Variants in TPCN2 observed in about 807,000 individuals in gnomAD.
TPCN2 encodes two pore channel protein 2.
In TPCN2, 92 loss-of-function variants were observed where a neutral mutation model predicts 111.4. The ratio of observed to expected loss-of-function variants is 0.83; its 90% confidence interval spans 0.70 to 0.98. The LOEUF (loss-of-function observed/expected upper bound fraction) is 0.98. Among genes scored for constraint, TPCN2 ranks in the 50% least tolerant of loss-of-function variants. The pLI is 0.00. For synonymous variants in TPCN2, 405 were observed against 414.5 expected, an observed-to-expected ratio of 0.98 and a Z score of 0.28; for missense variants, 995 against 980.1, an observed-to-expected ratio of 1.02 and a Z score of -0.20.
chr11:69,089,540 T>C lies in TPCN2; in HGVS notation c.*1587T>C, dbSNP rs1485504616. 6.6e-6 allele frequency: 1 copy of C among 152,302 alleles called. No individual in the cohort carries two copies. The highest frequency in any genetic ancestry group is 1.5e-5 in the Non-Finnish European group (1 of 68,062). The allele number at this position is 152,302 out of a possible 1,614,324, so 9.4% of individuals were successfully genotyped here. A position where few individuals can be genotyped will look rare whatever the true frequency, so the allele number is the denominator to read the frequency against. On this transcript the variant is annotated 3_prime_UTR_variant, in exon 25 of 25. Transcript: ENST00000294309. ...CTCCCAGGTTGTGTTCATGTGACGT[T>C]TCCTTGTGGTAGGTTCTGGGTCTGC...
At chr11:69,072,486 CA>C in intron 11 of TPCN2, 140 bp from the exon 12 acceptor site, 1 of 739,614 alleles carries the variant, frequency 1.4e-6, no homozygotes, top group Non-Finnish European at 2.2e-6. Flanking sequence ...ATGCTCGTTA[CA>C]GGGGCTCTTG....
rs1203771141 is a variant in TPCN2 at position 69,083,869 on chromosome 11, C to G, written c.1690-76C>G. On this transcript the variant is annotated intron_variant, in intron 18 of 24. Transcript: ENST00000294309. ...CCCCATCTTGCCTTTCTGTCAGGGT[C>G]AGCGTGGTGGGCCGGGATGGTGTCC... 17 of 1,405,014 alleles carry G rather than the reference C, an allele frequency of 1.2e-5. No individual in the cohort carries two copies. The South Asian group carries it at 1.7e-4, about 14-fold the overall frequency. The allele number at this position is 1,405,014 out of a possible 1,614,324, so 87.0% of individuals were successfully genotyped here.
intron 13 of TPCN2, among the ~76,000 whole-genome samples, chr11:69,073,557 G>A (rs985324216): frequency 1.3e-5 from 2 of 152,234 alleles, no homozygotes; most frequent in African/African-American, 4.8e-5. Context: ...GGTGGCAGAC[G>A]CCTGCCAGTT....
In TPCN2 at chr11:69,054,822, C is replaced by T. The variant is rs755848464; in HGVS notation, c.251+25C>T. 3.1e-6 allele frequency: 5 copies of T among 1,609,748 alleles called. No homozygotes were observed. The Admixed American group carries it at 8.3e-5, about 27-fold the overall frequency. On this transcript the variant is annotated intron_variant, in intron 3 of 24. Coordinates refer to ENST00000294309, the MANE Select transcript of TPCN2 (RefSeq NM_139075.4). ...GGTGAGAACGCACCCATGTGGAACTCAGGGTTCCTGCCGGCTTGCGTGGCA... is the reference window on the plus strand; with the variant it reads ...GGTGAGAACGCACCCATGTGGAACTTAGGGTTCCTGCCGGCTTGCGTGGCA...
intron 11 of TPCN2, among the ~76,000 whole-genome samples, chr11:69,072,370 A>C (rs1308964065): frequency 2.6e-5 from 4 of 151,940 alleles, no homozygotes; most frequent in Non-Finnish European, 4.4e-5. Context: ...CCTGCTTGGA[A>C]ATGAGGGCAG....
chr11:69,085,689 C>T lies in TPCN2; in HGVS notation c.1857C>T (p.Gly619=). 2 of 1,613,740 alleles carry T rather than the reference C, an allele frequency of 1.2e-6. No individual in the cohort carries two copies. The change falls in exon 21 of 25, where the codon GGC becomes GGT. Residue 619 remains glycine, a synonymous_variant. Transcript: ENST00000294309. ...TCCCCAGCCTGGCCCCTGCCAATGG[C>T]TCGGCGCCCTGTGGGAGCTTCGAGC... ...PGNSSLAPAN[G]SAPCGSFEQL...
chr11:69,082,477 A>G (rs1409592040), intron 18 of TPCN2, among the ~76,000 whole-genome samples: 1 of 152,302 alleles, frequency 6.6e-6, no homozygotes, highest in South Asian at 2.1e-4. Context: ...GCAAATATCC[A>G]TGTGAACTCA....
In TPCN2 at chr11:69,079,869, G is replaced by A; in HGVS notation, c.1575G>A (p.Leu525=). The change falls in exon 17 of 25, where the codon TTG becomes TTA. Residue 525 remains leucine, a synonymous_variant. Transcript: ENST00000294309. ...LEISTLAVYR[L]PHPGWRPEMV... is the part of the protein sequence containing the mutation. ...TCTCAACTCTGGCTGTGTACCGATT[G>A]CCACACCCAGGCTGGTATGTGACTG... 6.2e-7 allele frequency: 1 copy of A among 1,613,710 alleles called. No individual in the cohort carries two copies. The highest frequency in any genetic ancestry group is 2.2e-5 in the East Asian group (1 of 44,870).
At position 69,085,875 on chromosome 11, in the gene TPCN2, A is replaced by T. The variant is rs747682582; in HGVS notation, c.1948A>T (p.Met650Leu). ...TGCCCTGGTCACTCTGTGGAACTTG[A>T]TGGTGGTGAACAACTGGCAGGTGTT... ...AAALVTLWNL[M>L]VVNNWQVFLD... Residue 650 changes from methionine to leucine, a missense_variant, in exon 22 of 25, where the codon ATG becomes TTG. Met to Leu is a conservative substitution (Grantham distance 15). Transcript: ENST00000294309. 1 of 1,613,968 alleles carries T rather than the reference A, an allele frequency of 6.2e-7. No homozygotes were observed. Among genetic ancestry groups the T allele is most frequent in the Admixed American group, 1.7e-5 (1 of 60,004 alleles).
At chr11:69,050,984 C>T (rs1250776452) in intron 1 of TPCN2, among the ~76,000 whole-genome samples, 2 of 152,208 alleles carry the variant, frequency 1.3e-5, no homozygotes, top group Non-Finnish European at 2.9e-5. Flanking sequence ...GTTCTGAATC[C>T]CCTTGGCCAG....
chr11:69,078,387 A>T (rs1855877657), intron 13 of TPCN2, 95 bp from the exon 14 acceptor site: 1 of 1,521,464 alleles, frequency 6.6e-7, no homozygotes, highest in Admixed American at 2.0e-5. Flanking sequence ...GGTAGGAAAA[A>T]ATCAAATCCC....
chr11:69,057,787 C>T (rs1016732772), intron 5 of TPCN2, 93 bp downstream of exon 5: 129 of 1,164,612 alleles, frequency 1.1e-4, no homozygotes, highest in Non-Finnish European at 1.5e-4. Context: ...GCCCTGAGCC[C>T]GCCAGCCATC....
chr11:69,071,658 G>C (rs1366559345), intron 10 of TPCN2, among the ~76,000 whole-genome samples: 1 of 152,232 alleles, frequency 6.6e-6, no homozygotes, highest in Non-Finnish European at 1.5e-5. Flanking sequence ...GGAGCTGGGG[G>C]CGCCCCCAAC....
At position 69,090,142 on chromosome 11, in the gene TPCN2, C is replaced by G. The variant is rs1856392707; in HGVS notation, c.*2189C>G. 6.8e-6 allele frequency: 1 copy of G among 146,696 alleles called. No individual in the cohort carries two copies. The allele number at this position is 146,696 out of a possible 1,614,324, so 9.1% of individuals were successfully genotyped here. A position where few individuals can be genotyped will look rare whatever the true frequency, so the allele number is the denominator to read the frequency against. ...TTGCAGATTGCTGCACCCGGGAGCT[C>G]TTAGTGGACAGAGCTAGAGGATATG... On this transcript the variant is annotated 3_prime_UTR_variant, in exon 25 of 25. Transcript: ENST00000294309.
At chr11:69,077,396 CCCT>C (rs1855840634) in intron 13 of TPCN2, among the ~76,000 whole-genome samples, 1 of 151,112 alleles carries the variant, frequency 6.6e-6, no homozygotes, top group African/African-American at 2.4e-5. Context: ...CCTGCTGTGT[CCCT>C]CCAGCCCCTC....
rs761126250 is a variant in TPCN2, at chr11:69,078,904, G to A, written c.1423G>A (p.Val475Ile). The A allele has an allele frequency of 1.4e-5, 22 of 1,613,952 alleles. No individual in the cohort carries two copies. Among genetic ancestry groups the A allele is most frequent in the Admixed American group, 6.7e-5 (4 of 60,004 alleles). ...CTGCCCCTTTCAGATTCTCAACTGC[G>A]TCTTCATTGTGTACTACCTGTTGGA... is the stretch of plus-strand genomic sequence containing the variant. ...DDFILGILNC[V>I]FIVYYLLEML... The change falls in exon 16 of 25, where the codon GTC (valine) becomes ATC (isoleucine). Residue 475 changes from valine (V) to isoleucine (I), a missense_variant. Transcript: ENST00000294309.
intron 17 of TPCN2, among the ~76,000 whole-genome samples, chr11:69,080,899 G>C (rs1474932112): frequency 6.6e-6 from 1 of 152,186 alleles, no homozygotes; most frequent in Non-Finnish European, 1.5e-5. Context: ...AGCATGGAAA[G>C]ACCATGAGGG....
rs1305231887 is a variant in TPCN2 at position 69,055,238 on chromosome 11, C to T, written c.315C>T (p.Leu105=). The T allele has an allele frequency of 6.2e-7, 1 of 1,614,244 alleles. No homozygotes were observed. Among genetic ancestry groups the T allele is most frequent in the Admixed American group, 1.7e-5 (1 of 60,028 alleles). The stretch of plus-strand genomic sequence containing the variant: ...CTTTTATCGAGACCCCATCCTCACT[C>T]ACCAGCACGGCGGACGTGCGCTACC... ...FLAFIETPSS[L]TSTADVRYRA... is the part of the protein sequence containing the mutation. Residue 105 remains leucine, a synonymous_variant, in exon 4 of 25, where the codon CTC becomes CTT. Transcript: ENST00000294309.
intron 7 of TPCN2, among the ~76,000 whole-genome samples, chr11:69,064,431 C>T (rs117527969): frequency 0.026 from 3,978 of 152,170 alleles, 382 homozygotes; most frequent in East Asian, 0.21. Context: ...CCCAAGGCTG[C>T]GCTGGCCTAC....
Sources: allele counts gnomAD v4.1 joint callset (sites outside exome capture counted in the v4.1 genomes callset), GRCh38; gene constraint gnomAD v4.1.1; transcripts MANE v1.5; gene names NCBI Gene and HGNC (gene_info 2026-07-23, HGNC 2026-07-21).